EEFSEC: variants seen among roughly 807,000 people sequenced by gnomAD.
EEFSEC encodes eukaryotic elongation factor, selenocysteine-tRNA specific, also known as selenocysteine-specific elongation factor.
A neutral mutation model predicts 42.1 loss-of-function variants in EEFSEC; 43 were observed. The observed-to-expected ratio is 1.02, with a 90% confidence interval of 0.80 to 1.32. The LOEUF is 1.32. Ranked by LOEUF, EEFSEC falls within the 40% of genes most tolerant of loss-of-function variation. The probability of loss-of-function intolerance (pLI) is 0.00; values close to 1 mark genes in which losing one functional copy is unlikely to be tolerated. For synonymous variants in EEFSEC, 354 were observed against 339.1 expected (o/e 1.04, Z -0.48); for missense variants, 745 against 803.6 (o/e 0.93, Z 0.88).
At chr3:128,367,625 C>T (rs2067605741) in intron 6 of EEFSEC, 1 of 985,364 alleles carries the variant, frequency 1.0e-6, no homozygotes, top group Non-Finnish European at 1.2e-6. Context: ...AACATTGCTG[C>T]ACCCCTACTT....
intron 1 of EEFSEC, among the ~76,000 whole-genome samples, chr3:128,195,865 C>T (rs944094302): frequency 1.3e-5 from 2 of 152,198 alleles, no homozygotes; most frequent in African/African-American, 2.4e-5. Context: ...AGCTCTGGCC[C>T]TTCTCCCAAA....
intron 1 of EEFSEC, among the ~76,000 whole-genome samples, chr3:128,157,812 A>G (rs2107756095): frequency 6.6e-6 from 1 of 152,360 alleles, no homozygotes; most frequent in Non-Finnish European, 1.5e-5. Context: ...TTGCTAACAC[A>G]GCATCCATTC....
intron 6 of EEFSEC, among the ~76,000 whole-genome samples, chr3:128,390,504 C>T (rs1163922933): frequency 6.6e-6 from 1 of 152,230 alleles, no homozygotes; most frequent in East Asian, 1.9e-4. Flanking sequence ...ATGAAAAAAC[C>T]TAACCCAGAA....
At chr3:128,172,456 T>C (rs892597116) in intron 1 of EEFSEC, among the ~76,000 whole-genome samples, 3 of 152,156 alleles carry the variant, frequency 2.0e-5, no homozygotes, top group Non-Finnish European at 4.4e-5. Context: ...AGGGAGCAGT[T>C]ATTGTTTTGT....
At chr3:128,285,165 G>A (rs143897957) in intron 4 of EEFSEC, among the ~76,000 whole-genome samples, 6 of 152,202 alleles carry the variant, frequency 3.9e-5, no homozygotes, top group Non-Finnish European at 8.8e-5. Flanking sequence ...CCTTGAGCAC[G>A]GGGCAAGATG....
chr3:128,366,868 T>C (rs572553977), intron 6 of EEFSEC, among the ~76,000 whole-genome samples: 1 of 152,284 alleles, frequency 6.6e-6, no homozygotes, highest in African/African-American at 2.4e-5. Context: ...ATGGGGCTGT[T>C]GGGTTGGTGT....
chr3:128,241,202 T>TCTC (rs1553745909), intron 1 of EEFSEC, among the ~76,000 whole-genome samples: 1 of 14,716 alleles, frequency 6.8e-5, no homozygotes, highest in African/African-American at 1.9e-4. Context: ...TCTCTCTCTC[T>TCTC]TTTTTTTTTT....
intron 1 of EEFSEC, among the ~76,000 whole-genome samples, chr3:128,236,105 C>T (rs1028646602): frequency 6.6e-6 from 1 of 152,182 alleles, no homozygotes; most frequent in Non-Finnish European, 1.5e-5. Flanking sequence ...GCTGGGATTA[C>T]GCAGCAACAC....
chr3:128,410,175 G>A (rs1258694742), downstream of EEFSEC, among the ~76,000 whole-genome samples: 1 of 152,168 alleles, frequency 6.6e-6, no homozygotes, highest in Non-Finnish European at 1.5e-5. Flanking sequence ...CACTGGGTCC[G>A]AACCCAGCTC....
intron 6 of EEFSEC, among the ~76,000 whole-genome samples, chr3:128,404,246 C>A (rs2068083246): frequency 1.3e-5 from 2 of 152,252 alleles, no homozygotes; most frequent in South Asian, 4.1e-4. Flanking sequence ...TTTGGTCAGG[C>A]TTTCCAGGTG....
At chr3:128,319,152 G>GT (rs1559918214) in intron 4 of EEFSEC, among the ~76,000 whole-genome samples, 1 of 152,170 alleles carries the variant, frequency 6.6e-6, no homozygotes, top group African/African-American at 2.4e-5. Flanking sequence ...TCCCCACTGT[G>GT]TTTTTCTGAG....
chr3:128,408,119 C>T lies in EEFSEC; in HGVS notation c.1651C>T (p.Arg551Trp), dbSNP rs766932952. 3.4e-5 allele frequency: 55 copies of T among 1,606,116 alleles called. No individual in the cohort carries two copies. Among genetic ancestry groups the T allele is most frequent in the East Asian group, 2.7e-4 (12 of 44,490 alleles). Residue 551 changes from arginine (R) to tryptophan (W), a missense_variant, in exon 7 of 7, where the codon CGG (arginine) becomes TGG (tryptophan). Transcript: ENST00000254730. ...KKILTPALKK[R>W]ARAGRGEATR... is the part of the protein sequence containing the mutation. The stretch of plus-strand genomic sequence containing the variant: ...GATCCTGACACCCGCCCTCAAGAAG[C>T]GGGCCCGGGCTGGCCGTGGGGAGGC...
chr3:128,386,481 G>T (rs145283969), intron 6 of EEFSEC, among the ~76,000 whole-genome samples: 10 of 136,450 alleles, frequency 7.3e-5, no homozygotes, highest in East Asian at 5.8e-4. Context: ...GACAGGCAGT[G>T]GGGGGGGGAT....
At chr3:128,394,108 A>G (rs761414353) in intron 6 of EEFSEC, among the ~76,000 whole-genome samples, 5 of 152,204 alleles carry the variant, frequency 3.3e-5, no homozygotes, top group Non-Finnish European at 5.9e-5. Context: ...TCCGAGGGAC[A>G]GTGTGTGGGC....
chr3:128,297,268 G>A (rs1436618631), intron 4 of EEFSEC, among the ~76,000 whole-genome samples: 3 of 152,096 alleles, frequency 2.0e-5, no homozygotes, highest in Non-Finnish European at 4.4e-5. Context: ...CACAGGAGAA[G>A]TCTAGCCGAG....
In EEFSEC at chr3:128,153,837, G is replaced by A. The variant is rs747378694; in HGVS notation, c.316+14G>A. On this transcript the variant is annotated intron_variant, in intron 1 of 6. Transcript: ENST00000254730. Reference sequence around the variant, plus strand: ...CCATCATCGGCGGTGAGCGCGGGCCGGGGCGGGAGCCGGGCTCAGGGACGC... The same window carrying A: ...CCATCATCGGCGGTGAGCGCGGGCCAGGGCGGGAGCCGGGCTCAGGGACGC... 10 of 1,498,972 alleles carry A rather than the reference G, an allele frequency of 6.7e-6. No homozygotes were observed. The South Asian group carries it at 8.8e-5, about 13-fold the overall frequency. The allele number at this position is 1,498,972 out of a possible 1,614,324, so 92.9% of individuals were successfully genotyped here.
chr3:128,285,373 C>T (rs1559902659), intron 4 of EEFSEC, among the ~76,000 whole-genome samples: 1 of 152,118 alleles, frequency 6.6e-6, no homozygotes, highest in Non-Finnish European at 1.5e-5. Flanking sequence ...CCTGGGTGCT[C>T]ACACTGTGGG....
At chr3:128,270,034 C>A (rs956777518) in intron 4 of EEFSEC, among the ~76,000 whole-genome samples, 1 of 152,200 alleles carries the variant, frequency 6.6e-6, no homozygotes, top group Non-Finnish European at 1.5e-5. Flanking sequence ...AGTCAGTCAA[C>A]CTCTTCGTGT....
chr3:128,161,404 G>T (rs960806291), intron 1 of EEFSEC, among the ~76,000 whole-genome samples: 4 of 152,144 alleles, frequency 2.6e-5, no homozygotes, highest in Non-Finnish European at 4.4e-5. Context: ...ACAGTGTATT[G>T]TCTCCCAGTC....
Sources: gnomAD v4.1 joint callset for allele counts (sites outside exome capture counted in the v4.1 genomes callset) on GRCh38, gnomAD v4.1.1 for gene constraint, MANE v1.5 for transcripts, NCBI Gene and HGNC (gene_info 2026-07-23, HGNC 2026-07-21) for gene names.